The following KLHL13 variants were observed in gnomAD, a reference collection of about 807,000 sequenced individuals.
KLHL13 encodes kelch-like protein 13.
A neutral mutation model predicts 37.1 loss-of-function variants in KLHL13; 10 were observed. That is an observed-to-expected ratio of 0.27 (90% CI 0.17 to 0.46). KLHL13 has a LOEUF of 0.46. KLHL13 is among the 20% of genes least tolerant of loss of function. The pLI is 1.00. For missense variants in KLHL13, 360 were observed against 509.3 expected (o/e 0.71, Z 2.82); for synonymous variants, 163 against 181.2 (o/e 0.90, Z 0.81).
intron 1 of KLHL13, among the ~76,000 whole-genome samples, chrX:118,107,284 T>C (rs1388484725): frequency 8.9e-6 from 1 of 112,119 alleles, no homozygotes; most frequent in Non-Finnish European, 1.9e-5. Context: ...TGTGATGCCA[T>C]ATTTGAGTAA....
chrX:117,945,616 C>T, intron 1 of KLHL13, 41 bp from the exon 3 acceptor site: 1 of 1,101,305 alleles, frequency 9.1e-7, no homozygotes, highest in African/African-American at 1.8e-5. Flanking sequence ...GAAATTAAAA[C>T]TTGTACAATT....
chrX:117,962,651 C>A (rs964323032), intron 1 of KLHL13, among the ~76,000 whole-genome samples: 5 of 112,198 alleles, frequency 4.5e-5, no homozygotes, highest in Non-Finnish European at 9.4e-5. Context: ...TCCTATACCA[C>A]CACCCAATTC....
intron 1 of KLHL13, chrX:117,946,664 G>A (rs779921568): frequency 1.8e-5 from 2 of 112,083 alleles, no homozygotes; most frequent in Non-Finnish European, 1.9e-5. Flanking sequence ...AAAAGAAGGA[G>A]AGCAGATTTT....
At chrX:118,048,196 T>C (rs1201136689) in intron 1 of KLHL13, among the ~76,000 whole-genome samples, 1 of 111,762 alleles carries the variant, frequency 8.9e-6, no homozygotes, top group East Asian at 2.8e-4. Flanking sequence ...AAGTAGTTAA[T>C]GTTTTGTTTT....
At chrX:118,018,622 T>G (rs892001720) in intron 1 of KLHL13, among the ~76,000 whole-genome samples, 32 of 111,656 alleles carry the variant, frequency 2.9e-4, no homozygotes, top group Non-Finnish European at 5.5e-4. Context: ...CTTCTTAGCA[T>G]TCAGTCTTTT....
chrX:117,914,484 T>A (rs1333890299), intron 4 of KLHL13: 1 of 111,288 alleles, frequency 9.0e-6, no homozygotes, highest in African/African-American at 3.3e-5. Context: ...TGATATCTAG[T>A]ACAATCAATG....
rs187994032 is a variant in KLHL13, at chrX:117,901,815, C to G, written c.1480+18G>C. The G allele has an allele frequency of 9.7e-4, 796 of 822,452 alleles. 1 individual carries two copies. The highest frequency in any genetic ancestry group is 4.8e-3 in the Middle Eastern group (17 of 3,567). 67.8% of individuals were successfully genotyped at this position (822,452 alleles called of 1,213,427 possible). ...AAAAGCTTATATATTATATTGTGTT[C>G]ACATGATACTTGTTTACCTGAAATA... On this transcript the variant is annotated intron_variant, in intron 6 of 6. Coordinates refer to ENST00000262820, the Ensembl canonical transcript of KLHL13.
intron 1 of KLHL13, among the ~76,000 whole-genome samples, chrX:118,027,977 G>A (rs1384623708): frequency 9.0e-6 from 1 of 111,729 alleles, no homozygotes; most frequent in African/African-American, 3.2e-5. Flanking sequence ...GTCAGAAGAA[G>A]CTTTAAATAT....
intron 1 of KLHL13, among the ~76,000 whole-genome samples, chrX:118,008,751 T>C (rs150064009): frequency 1.3e-3 from 140 of 111,552 alleles, no homozygotes; most frequent in African/African-American, 4.5e-3. Context: ...ACTCTGGAGC[T>C]AGACTTCCTG....
chrX:118,090,978 G>A (rs1437884174), intron 1 of KLHL13, among the ~76,000 whole-genome samples: 1 of 107,329 alleles, frequency 9.3e-6, no homozygotes, highest in African/African-American at 3.4e-5. Context: ...GTCCTTTGTA[G>A]GGACATGGAT....
intron 1 of KLHL13, among the ~76,000 whole-genome samples, chrX:117,994,051 G>C (rs1466418524): frequency 9.0e-6 from 1 of 111,348 alleles, no homozygotes; most frequent in Non-Finnish European, 1.9e-5. Flanking sequence ...CATTTATTAA[G>C]TAATTTTTCT....
intron 1 of KLHL13, among the ~76,000 whole-genome samples, chrX:118,029,133 G>A (rs766460421): frequency 9.0e-5 from 10 of 111,324 alleles, no homozygotes; most frequent in African/African-American, 3.3e-4. Flanking sequence ...ACAGGAAATT[G>A]GAATAAACTG....
chrX:117,967,030 C>G (rs1397615006), intron 1 of KLHL13, among the ~76,000 whole-genome samples: 2 of 111,700 alleles, frequency 1.8e-5, no homozygotes, highest in Non-Finnish European at 3.8e-5. Flanking sequence ...ACACCAAAAG[C>G]AATGGCAACA....
chrX:118,099,284 G>A (rs1165763731), intron 1 of KLHL13, among the ~76,000 whole-genome samples: 1 of 111,409 alleles, frequency 9.0e-6, no homozygotes, highest in Non-Finnish European at 1.9e-5. Context: ...AAAAAAAGTT[G>A]TACAAATTTT....
chrX:118,025,844 C>A (rs761598670), intron 1 of KLHL13, among the ~76,000 whole-genome samples: 16 of 112,355 alleles, frequency 1.4e-4, no homozygotes, highest in African/African-American at 4.8e-4. Context: ...TGTGCTAGTT[C>A]TGCTGTCACA....
At chrX:117,925,952 G>C (rs942604354) in intron 2 of KLHL13, among the ~76,000 whole-genome samples, 6 of 111,263 alleles carry the variant, frequency 5.4e-5, no homozygotes, top group African/African-American at 1.6e-4. Flanking sequence ...CTCCCAAAAT[G>C]CTGGGATTAC....
At chrX:118,102,143 G>A (rs779965681) in intron 1 of KLHL13, among the ~76,000 whole-genome samples, 14 of 111,512 alleles carry the variant, frequency 1.3e-4, no homozygotes, top group African/African-American at 4.2e-4. Context: ...TGTATACTCT[G>A]CTGAGAAGTC....
chrX:118,077,815 CAT>C (rs1203149380), intron 1 of KLHL13, among the ~76,000 whole-genome samples: 2 of 111,219 alleles, frequency 1.8e-5, no homozygotes, highest in Non-Finnish European at 3.8e-5. Context: ...TATTCATAGT[CAT>C]AGGGGCTTGC....
At chrX:118,093,841 C>T (rs1366331958) in intron 1 of KLHL13, among the ~76,000 whole-genome samples, 1 of 108,708 alleles carries the variant, frequency 9.2e-6, no homozygotes, top group Non-Finnish European at 1.9e-5. Flanking sequence ...GCAGATGTTC[C>T]AACAGAGTAG....
Sources: gnomAD v4.1 joint callset for allele counts (sites outside exome capture counted in the v4.1 genomes callset) on GRCh38, gnomAD v4.1.1 for gene constraint, MANE v1.5 for transcripts, NCBI Gene and HGNC (gene_info 2026-07-23, HGNC 2026-07-21) for gene names.